The following GPC5 variants were observed in gnomAD, a reference collection of about 807,000 sequenced individuals.
GPC5 encodes the protein glypican-5.
A neutral mutation model predicts 53.9 loss-of-function variants in GPC5; 47 were observed. That is an observed-to-expected ratio of 0.87 (90% CI 0.69 to 1.11). The LOEUF (loss-of-function observed/expected upper bound fraction) is 1.11, where lower values mean the gene tolerates loss of function less well. Among genes scored for constraint, GPC5 ranks in the 50% most tolerant of loss-of-function variants. GPC5 has a pLI of 0.00. For synonymous variants in GPC5, 286 were observed against 263.3 expected, an observed-to-expected ratio of 1.09 and a Z score of -0.84; for missense variants, 748 against 713.1, an observed-to-expected ratio of 1.05 and a Z score of -0.56.
intron 7 of GPC5, among the ~76,000 whole-genome samples, chr13:92,372,898 C>G (rs1328247531): frequency 1.3e-5 from 2 of 152,154 alleles, no homozygotes; most frequent in Non-Finnish European, 2.9e-5. Context: ...TGTTATAGAA[C>G]AAGGAAATAA....
At chr13:92,813,795 A>C (rs1362714248) in intron 7 of GPC5, among the ~76,000 whole-genome samples, 1 of 152,088 alleles carries the variant, frequency 6.6e-6, no homozygotes, top group Non-Finnish European at 1.5e-5. Context: ...AAAAGACTCA[A>C]TATTGTCAAA....
chr13:91,819,734 G>A (rs953431183), intron 5 of GPC5, among the ~76,000 whole-genome samples: 8 of 152,018 alleles, frequency 5.3e-5, no homozygotes, highest in East Asian at 1.9e-4. Context: ...ATTGTTGCAC[G>A]TGCCTATGTT....
intron 1 of GPC5, among the ~76,000 whole-genome samples, chr13:91,434,344 T>G (rs1034533681): frequency 3.9e-5 from 6 of 152,228 alleles, no homozygotes; most frequent in Admixed American, 2.6e-4. Context: ...GGTCTAACAT[T>G]TAAGTCTTTA....
intron 5 of GPC5, among the ~76,000 whole-genome samples, chr13:91,813,658 G>A (rs1240687556): frequency 6.6e-6 from 1 of 152,000 alleles, no homozygotes; most frequent in East Asian, 1.9e-4. Flanking sequence ...GATATAACAG[G>A]GGATATTTAG....
At chr13:92,379,763 A>G (rs2043724325) in intron 7 of GPC5, among the ~76,000 whole-genome samples, 1 of 152,114 alleles carries the variant, frequency 6.6e-6, no homozygotes, top group African/African-American at 2.4e-5. Context: ...TAGCACTATT[A>G]GTTCCTCTCT....
At chr13:92,218,730 A>G (rs2042428493) in intron 7 of GPC5, among the ~76,000 whole-genome samples, 1 of 152,216 alleles carries the variant, frequency 6.6e-6, no homozygotes, top group Admixed American at 6.5e-5. Context: ...CCGAAATTGT[A>G]GATCAAGCCC....
intron 1 of GPC5, among the ~76,000 whole-genome samples, chr13:91,409,863 C>G (rs1163850955): frequency 6.6e-6 from 1 of 152,170 alleles, no homozygotes; most frequent in Admixed American, 6.5e-5. Context: ...CCACCTCCCT[C>G]CCTCCCCTCT....
intron 6 of GPC5, among the ~76,000 whole-genome samples, chr13:92,127,020 G>A (rs551219986): frequency 2.0e-5 from 3 of 152,070 alleles, no homozygotes; most frequent in South Asian, 2.1e-4. Flanking sequence ...TTAATCAGCT[G>A]GTCATATTTT....
chr13:92,360,251 G>T (rs1015112179), intron 7 of GPC5, among the ~76,000 whole-genome samples: 8 of 151,520 alleles, frequency 5.3e-5, no homozygotes, highest in African/African-American at 2.0e-4. Context: ...ACTGAATCTA[G>T]CCGCACATCA....
intron 7 of GPC5, among the ~76,000 whole-genome samples, chr13:92,226,105 C>T (rs2042484060): frequency 6.6e-6 from 1 of 152,158 alleles, no homozygotes; most frequent in African/African-American, 2.4e-5. Context: ...CCCTCTTGCT[C>T]TCTCTCTCCT....
At chr13:91,640,605 T>C (rs1230458449) in intron 2 of GPC5, among the ~76,000 whole-genome samples, 1 of 152,198 alleles carries the variant, frequency 6.6e-6, no homozygotes, top group Non-Finnish European at 1.5e-5. Flanking sequence ...AAATGCCATT[T>C]GACCCAGCAA....
At chr13:92,658,919 G>GTTTTTT (rs1358143857) in intron 7 of GPC5, 69 of 96,036 alleles carry the variant, frequency 7.2e-4, no homozygotes, top group African/African-American at 2.3e-3. Flanking sequence ...AGTTGTATAT[G>GTTTTTT]TTTTGTTTTT....
intron 6 of GPC5, among the ~76,000 whole-genome samples, chr13:91,960,807 G>A (rs2040119399): frequency 2.0e-5 from 3 of 151,652 alleles, no homozygotes; most frequent in Admixed American, 6.6e-5. Flanking sequence ...CATACACTGG[G>A]GAAAAGACAC....
At chr13:91,991,736 A>G (rs551786034) in intron 6 of GPC5, among the ~76,000 whole-genome samples, 12 of 152,254 alleles carry the variant, frequency 7.9e-5, no homozygotes, top group African/African-American at 2.9e-4. Flanking sequence ...GCTGGATAAA[A>G]TGTTCTGTCT....
intron 7 of GPC5, among the ~76,000 whole-genome samples, chr13:92,676,475 AATTCTTTTTC>A: frequency 6.6e-6 from 1 of 152,180 alleles, no homozygotes; most frequent in Non-Finnish European, 1.5e-5. Context: ...CAAAGAATGC[AATTCTTTTTC>A]AAGATTTCTT....
At chr13:91,674,434 CAT>C (rs569369825) in intron 2 of GPC5, among the ~76,000 whole-genome samples, 52 of 149,194 alleles carry the variant, frequency 3.5e-4, no homozygotes, top group South Asian at 1.3e-3. Flanking sequence ...TATATATACA[CAT>C]ATATATATAC....
chr13:91,626,016 G>A (rs1026198913), intron 2 of GPC5, among the ~76,000 whole-genome samples: 6 of 113,278 alleles, frequency 5.3e-5, no homozygotes, highest in Non-Finnish European at 1.3e-4. Context: ...AACTGCTTAA[G>A]GCCCTACTAA....
intron 1 of GPC5, among the ~76,000 whole-genome samples, chr13:91,427,986 G>A (rs538599747): frequency 6.6e-6 from 1 of 152,262 alleles, no homozygotes; most frequent in East Asian, 1.9e-4. Context: ...TGCCATGATT[G>A]TAAGTTTCCT....
At chr13:91,936,018 AG>A (rs139913428) in intron 6 of GPC5, among the ~76,000 whole-genome samples, 4,911 of 152,116 alleles carry the variant, frequency 0.032, 121 homozygotes, top group Middle Eastern at 0.061. Context: ...ATTTTGAAAA[AG>A]CTTCCTCCCT....
Sources: gnomAD v4.1 joint callset for allele counts (sites outside exome capture counted in the v4.1 genomes callset) on GRCh38, gnomAD v4.1.1 for gene constraint, MANE v1.5 for transcripts, NCBI Gene and HGNC (gene_info 2026-07-23, HGNC 2026-07-21) for gene names.